The following LPP variants were observed in gnomAD, a reference collection of about 807,000 sequenced individuals.
LPP encodes LIM domain containing preferred translocation partner in lipoma, also known as lipoma-preferred partner.
In LPP, 38 loss-of-function variants were observed where a neutral mutation model predicts 60.4. The observed-to-expected ratio is 0.63, with a 90% CI of 0.49 to 0.83. LPP has a LOEUF of 0.83. Among genes scored for constraint, LPP ranks in the 40% least tolerant of loss-of-function variants. The pLI is 0.00. For missense variants in LPP, 902 were observed against 783.6 expected (o/e 1.15, Z -1.80); for synonymous variants, 328 against 290.8 (o/e 1.13, Z -1.30).
At chr3:188,281,295 C>T (rs1741954768) in intron 2 of LPP, among the ~76,000 whole-genome samples, 2 of 152,088 alleles carry the variant, frequency 1.3e-5, no homozygotes, top group South Asian at 2.1e-4. Context: ...GAGTATATTT[C>T]TTGGTGGCAG....
chr3:188,806,072 T>C (rs982321828), intron 9 of LPP, among the ~76,000 whole-genome samples: 10 of 151,918 alleles, frequency 6.6e-5, no homozygotes, highest in Non-Finnish European at 1.0e-4. Context: ...AAGTGTTCTA[T>C]AGTTGTCAAT....
rs79810261 is a variant in LPP, at chr3:188,887,068, G to A, written c.*12589G>A. The stretch of plus-strand genomic sequence containing the variant: ...TATTGATGTATTGTGTTGCCACTTT[G>A]TATGGTGCCTGCTGTGCTTTATCCC... On this transcript the variant is annotated 3_prime_UTR_variant, in exon 12 of 12. Transcript: ENST00000617246. 8,003 of 230,368 alleles carry A rather than the reference G, an allele frequency of 0.035. 171 individuals carry two copies. The highest frequency in any genetic ancestry group is 0.051 in the Non-Finnish European group (5,924 of 116,274). 14.3% of individuals were successfully genotyped at this position (230,368 alleles called of 1,614,324 possible).
chr3:188,362,787 A>C (rs1027255821), intron 3 of LPP, among the ~76,000 whole-genome samples: 2 of 152,192 alleles, frequency 1.3e-5, no homozygotes, highest in African/African-American at 2.4e-5. Context: ...GTCAGCTTCC[A>C]GGTTTGTCTG....
intron 7 of LPP, among the ~76,000 whole-genome samples, chr3:188,660,592 A>C (rs1854344561): frequency 6.6e-6 from 1 of 152,110 alleles, no homozygotes; most frequent in Admixed American, 6.6e-5. Context: ...CTGCAGTAGT[A>C]AGCATCATAT....
intron 7 of LPP, among the ~76,000 whole-genome samples, chr3:188,677,935 T>A (rs145261647): frequency 2.6e-5 from 4 of 152,134 alleles, no homozygotes; most frequent in Non-Finnish European, 5.9e-5. Context: ...AGGACGCTGA[T>A]ACTTGAAATC....
At chr3:188,475,290 T>G (rs1156282689) in intron 4 of LPP, among the ~76,000 whole-genome samples, 1 of 152,222 alleles carries the variant, frequency 6.6e-6, no homozygotes, top group Non-Finnish European at 1.5e-5. Flanking sequence ...CAAAGAGCAT[T>G]TCAAGCTAAG....
intron 6 of LPP, among the ~76,000 whole-genome samples, chr3:188,549,094 C>T (rs1462949105): frequency 6.6e-6 from 1 of 152,122 alleles, no homozygotes; most frequent in African/African-American, 2.4e-5. Context: ...GATCAATATA[C>T]ATTATATGTA....
chr3:188,456,415 G>C (rs900124525), intron 4 of LPP, among the ~76,000 whole-genome samples: 5 of 151,734 alleles, frequency 3.3e-5, no homozygotes, highest in Non-Finnish European at 7.3e-5. Flanking sequence ...GTAACATAGA[G>C]AGCGATAACG....
At chr3:188,465,409 G>C (rs1251065322) in intron 4 of LPP, among the ~76,000 whole-genome samples, 2 of 152,144 alleles carry the variant, frequency 1.3e-5, no homozygotes, top group Non-Finnish European at 2.9e-5. Context: ...AAGTGAATTG[G>C]ACCATCCTGA....
intron 9 of LPP, among the ~76,000 whole-genome samples, chr3:188,852,280 C>T (rs1762845618): frequency 6.6e-6 from 1 of 152,128 alleles, no homozygotes; most frequent in Non-Finnish European, 1.5e-5. Flanking sequence ...CTCCTTACAC[C>T]TGGGCCAGGA....
chr3:188,865,540 A>G (rs922855934), intron 9 of LPP, among the ~76,000 whole-genome samples: 9 of 152,222 alleles, frequency 5.9e-5, no homozygotes, highest in African/African-American at 1.2e-4. Context: ...TGATCGCACT[A>G]TGGTCTAAGT....
chr3:188,862,443 G>A (rs916023796), intron 9 of LPP, among the ~76,000 whole-genome samples: 7 of 152,096 alleles, frequency 4.6e-5, no homozygotes, highest in Non-Finnish European at 1.0e-4. Context: ...TTCAGAAGAG[G>A]TGACATTTGA....
rs909318748 is a variant in LPP, at chr3:188,407,348, T to G, written c.193+1035T>G. 2.0e-5 allele frequency among the ~76,000 whole-genome samples: 3 copies of G among 152,232 alleles called. No individual in the cohort carries two copies. In the South Asian group the frequency reaches 6.2e-4, roughly 31 times the overall value. ...CCTCTCCTGCGCCCAGGAAACACTT[T>G]ACTAGTCTGTTAGTATTTTGGGTCT... is the stretch of plus-strand genomic sequence containing the variant. On this transcript the variant is annotated intron_variant, in intron 4 of 11. Coordinates refer to ENST00000617246, the MANE Select transcript of LPP (RefSeq NM_001375462.1).
At chr3:188,550,795 T>C (rs1827926590) in intron 6 of LPP, among the ~76,000 whole-genome samples, 1 of 152,100 alleles carries the variant, frequency 6.6e-6, no homozygotes, top group African/African-American at 2.4e-5. Context: ...GTTGCAGCCC[T>C]TATTTCTAGA....
chr3:188,277,272 AG>A (rs1169792190), intron 2 of LPP, among the ~76,000 whole-genome samples: 5 of 152,116 alleles, frequency 3.3e-5, no homozygotes, highest in African/African-American at 1.2e-4. Flanking sequence ...GGTTTAATAC[AG>A]GGGCCCATCC....
At chr3:188,591,364 C>T (rs1038084155) in intron 6 of LPP, among the ~76,000 whole-genome samples, 3 of 152,166 alleles carry the variant, frequency 2.0e-5, no homozygotes, top group South Asian at 2.1e-4. Context: ...TGTTCTGAAG[C>T]CCCAGTCTAG....
At chr3:188,471,279 A>T (rs537558368) in intron 4 of LPP, among the ~76,000 whole-genome samples, 18 of 152,190 alleles carry the variant, frequency 1.2e-4, no homozygotes, top group African/African-American at 4.3e-4. Flanking sequence ...TTTTTTCAAG[A>T]TTGCTTTGGC....
chr3:188,500,700 A>G (rs1216739547), intron 5 of LPP, among the ~76,000 whole-genome samples: 1 of 152,156 alleles, frequency 6.6e-6, no homozygotes, highest in South Asian at 2.1e-4. Flanking sequence ...TTTCTTACTC[A>G]GATTTTGGAT....
chr3:188,771,049 ACTAT>A (rs1363992403), intron 9 of LPP, among the ~76,000 whole-genome samples: 3 of 152,164 alleles, frequency 2.0e-5, no homozygotes, highest in Non-Finnish European at 4.4e-5. Context: ...ATTCATTTGT[ACTAT>A]CTATTATAAT....
Sources: gnomAD v4.1 joint callset for allele counts (sites outside exome capture counted in the v4.1 genomes callset) on GRCh38, gnomAD v4.1.1 for gene constraint, MANE v1.5 for transcripts, NCBI Gene and HGNC (gene_info 2026-07-23, HGNC 2026-07-21) for gene names.